MED15: variants seen among roughly 807,000 people sequenced by gnomAD.
The protein encoded by MED15 is mediator complex subunit 15.
Under a neutral mutation model 118.7 loss-of-function variants are expected in MED15, and 41 were observed. The ratio of observed to expected loss-of-function variants is 0.35; its 90% CI spans 0.27 to 0.45. The LOEUF (loss-of-function observed/expected upper bound fraction) is 0.45. Ranked by LOEUF, MED15 falls within the 20% of genes least tolerant of loss-of-function variation. The pLI is 1.00. For synonymous variants in MED15, 436 were observed against 413.9 expected (o/e 1.05, Z -0.65); for missense variants, 740 against 1,025.5 (o/e 0.72, Z 3.80).
chr22:20,564,742 G>A (rs1256308502), intron 6 of MED15, 54 bp downstream of exon 6: 4 of 1,607,598 alleles, frequency 2.5e-6, no homozygotes, highest in Non-Finnish European at 3.4e-6. Flanking sequence ...GTGAGCCCTG[G>A]GCTGGCATCA....
intron 1 of MED15, among the ~76,000 whole-genome samples, chr22:20,517,219 G>A (rs1462434055): frequency 6.6e-6 from 1 of 151,902 alleles, no homozygotes; most frequent in Non-Finnish European, 1.5e-5. Flanking sequence ...TTACAGGCAT[G>A]AGCCACTACG....
intron 1 of MED15, chr22:20,507,987 G>A (rs1011254115): frequency 7.0e-7 from 1 of 1,430,152 alleles, no homozygotes; most frequent in African/African-American, 1.4e-5. Context: ...ATGAATCATC[G>A]TCTTGAGCTT....
rs370536768 is a variant in MED15 at position 20,507,986 on chromosome 22, C to G, written c.68+240C>G. On this transcript the variant is annotated intron_variant, in intron 1 of 17. Coordinates refer to ENST00000263205, the MANE Select transcript of MED15 (RefSeq NM_001003891.3). ...CAACGAGCCCTGGCTTATGAATCAT[C>G]GTCTTGAGCTTTCTCATTCGTCATT... The G allele has an allele frequency of 2.8e-6, 4 of 1,429,698 alleles. No individual in the cohort carries two copies. In the East Asian group the frequency reaches 7.6e-5, roughly 27 times the overall value. 88.6% of individuals were successfully genotyped at this position (1,429,698 alleles called of 1,614,324 possible). A position where few individuals can be genotyped will look rare whatever the true frequency, so the allele number is the denominator to read the frequency against.
At chr22:20,532,607 G>A (rs1276683844) in intron 1 of MED15, among the ~76,000 whole-genome samples, 1 of 152,208 alleles carries the variant, frequency 6.6e-6, no homozygotes, top group Non-Finnish European at 1.5e-5. Flanking sequence ...TGTGCTCTGA[G>A]CCGGTAACAG....
chr22:20,546,906 C>T (rs546936855), intron 2 of MED15, among the ~76,000 whole-genome samples: 179 of 152,142 alleles, frequency 1.2e-3, no homozygotes, highest in African/African-American at 4.1e-3. Context: ...GCTACGTGGG[C>T]GCTGGTCTGT....
At chr22:20,517,181 T>G (rs2054284176) in intron 1 of MED15, among the ~76,000 whole-genome samples, 4 of 152,126 alleles carry the variant, frequency 2.6e-5, no homozygotes, top group South Asian at 4.1e-4. Context: ...CAAGTGAGCC[T>G]CCTGCCTTTG....
At chr22:20,577,823 G>A (rs187669966) in intron 9 of MED15, among the ~76,000 whole-genome samples, 145 of 152,116 alleles carry the variant, frequency 9.5e-4, no homozygotes, top group African/African-American at 3.5e-3. Flanking sequence ...TCCTCGTCCC[G>A]GCAGTAGACA....
At chr22:20,535,077 C>G (rs1183083314) in intron 1 of MED15, among the ~76,000 whole-genome samples, 1 of 152,162 alleles carries the variant, frequency 6.6e-6, no homozygotes, top group Non-Finnish European at 1.5e-5. Flanking sequence ...CCTGCCTCAG[C>G]CTCCCGAGTA....
chr22:20,551,554 G>T, intron 3 of MED15, 67 bp downstream of exon 3: 2 of 1,469,880 alleles, frequency 1.4e-6, no homozygotes, highest in East Asian at 2.3e-5. Flanking sequence ...ACGCTGCCTC[G>T]GCAGAGCTTT....
intron 1 of MED15, among the ~76,000 whole-genome samples, chr22:20,515,853 A>T (rs2054234766): frequency 6.6e-6 from 1 of 151,932 alleles, no homozygotes; most frequent in Non-Finnish European, 1.5e-5. Context: ...AAATACAAAA[A>T]TTAGCCAGGC....
At chr22:20,580,595 G>A (rs1416828479) in intron 9 of MED15, among the ~76,000 whole-genome samples, 2 of 152,170 alleles carry the variant, frequency 1.3e-5, no homozygotes, top group Admixed American at 1.3e-4. Flanking sequence ...AGAAAAGGCA[G>A]AGTTGGGCTG....
intron 8 of MED15, among the ~76,000 whole-genome samples, chr22:20,571,934 GT>G (rs1480816975): frequency 6.6e-6 from 1 of 152,184 alleles, no homozygotes; most frequent in Non-Finnish European, 1.5e-5. Flanking sequence ...CTATCCTGGG[GT>G]TTTTTGTGCA....
In MED15 at chr22:20,555,139, A is replaced by C; in HGVS notation, c.442A>C (p.Thr148Pro). Residue 148 changes from threonine (T) to proline (P), a missense_variant, in exon 5 of 18, where the codon ACT becomes CCT. Thr to Pro is a conservative substitution (Grantham distance 38). This residue lies in a region of MED15 where 117 missense variants were observed against 124.6 expected (regional missense o/e 0.94). Coordinates refer to ENST00000263205, the MANE Select transcript of MED15 (RefSeq NM_001003891.3). ...CAGCATGGCTGTCGTGTCTACGGCA[A>C]CTCCACAGAGTGAGTACCACACTTC... Reference protein sequence around the residue: ...PHSMAVVSTATPQTQLQLQQV... With the variant: ...PHSMAVVSTAPPQTQLQLQQV... 1.3e-6 allele frequency: 2 copies of C among 1,599,882 alleles called. No individual in the cohort carries two copies. Among genetic ancestry groups the C allele is most frequent in the Non-Finnish European group, 1.7e-6 (2 of 1,174,100 alleles).
chr22:20,531,589 G>A (rs1054184986), intron 1 of MED15, among the ~76,000 whole-genome samples: 2 of 152,226 alleles, frequency 1.3e-5, no homozygotes, highest in Non-Finnish European at 2.9e-5. Flanking sequence ...GCCAGGACGT[G>A]CCTGTTTGAG....
At chr22:20,554,865 CT>C (rs1424002949) in intron 4 of MED15, 70 bp from the exon 5 acceptor site, 3 of 1,440,408 alleles carry the variant, frequency 2.1e-6, no homozygotes, top group Non-Finnish European at 2.8e-6. Context: ...CTCTGTGAGC[CT>C]TACGCCCTTT....
chr22:20,579,447 C>T (rs1025116480), intron 9 of MED15, among the ~76,000 whole-genome samples: 2 of 152,186 alleles, frequency 1.3e-5, no homozygotes, highest in Admixed American at 6.5e-5. Flanking sequence ...AGGGTGAGAC[C>T]CGTGTTCCAC....
At chr22:20,564,936 C>T (rs1241935178) in intron 6 of MED15, among the ~76,000 whole-genome samples, 1 of 152,200 alleles carries the variant, frequency 6.6e-6, no homozygotes, top group Non-Finnish European at 1.5e-5. Flanking sequence ...CCAGCCTGGC[C>T]AGCATGGTGA....
At chr22:20,546,632 T>C (rs933826087) in intron 2 of MED15, among the ~76,000 whole-genome samples, 1 of 150,408 alleles carries the variant, frequency 6.6e-6, no homozygotes, top group African/African-American at 2.5e-5. Flanking sequence ...GTCTAAGGAG[T>C]CCCCCCAAGG....
chr22:20,542,818 A>G (rs1260737557), intron 2 of MED15, among the ~76,000 whole-genome samples: 1 of 152,232 alleles, frequency 6.6e-6, no homozygotes, highest in East Asian at 1.9e-4. Context: ...AATTCATAGT[A>G]TTAGATGAGG....
Sources: allele counts gnomAD v4.1 joint callset (sites outside exome capture counted in the v4.1 genomes callset), GRCh38; gene constraint gnomAD v4.1.1; regional missense constraint gnomAD v4.1.1; transcripts MANE v1.5; gene names NCBI Gene and HGNC (gene_info 2026-07-23, HGNC 2026-07-21).